The following MAPRE3 variants were observed in gnomAD, a reference collection of about 807,000 sequenced individuals.
The protein encoded by MAPRE3 is microtubule-associated protein RP/EB family member 3.
A neutral mutation model predicts 30.5 loss-of-function variants in MAPRE3; 2 were observed. That is an observed-to-expected ratio of 0.07 (90% confidence interval 0.03 to 0.21). The LOEUF (loss-of-function observed/expected upper bound fraction) is 0.21, where lower values mean the gene tolerates loss of function less well. Among genes scored for constraint, MAPRE3 ranks in the 10% least tolerant of loss-of-function variants. The pLI is 1.00. For missense variants in MAPRE3, 204 were observed against 351.8 expected (o/e 0.58, Z 3.36); for synonymous variants, 110 against 127.7 (o/e 0.86, Z 0.93).
intron 1 of MAPRE3, among the ~76,000 whole-genome samples, chr2:26,991,579 C>T (rs1486819976): frequency 6.6e-6 from 1 of 152,140 alleles, no homozygotes; most frequent in Non-Finnish European, 1.5e-5. Flanking sequence ...CGAGGTAGTC[C>T]CTACTCTTTT....
chr2:26,999,488 CTTTTTTTTTTTTTT>C lies in MAPRE3; in HGVS notation c.-7-22710_-7-22697del, dbSNP rs531651199. Among the ~76,000 whole-genome samples the C allele has an allele frequency of 2.2e-4, 17 of 79,004 alleles. No individual in the cohort carries two copies. The East Asian group carries it at 4.8e-3, about 22-fold the overall frequency. The allele number at this position is 79,004 out of a possible 152,430, so 51.8% of individuals were successfully genotyped here. On this transcript the variant is annotated intron_variant, in intron 1 of 6. Coordinates refer to ENST00000233121, the MANE Select transcript of MAPRE3 (RefSeq NM_012326.4). ...TTTTTTCTTCTTTCTTTCCTTCTTTCTTTTTTTTTTTTTTTTTTTTTTTTTTTGGGATGGAGTTT... is the reference window on the plus strand; with the variant it reads ...TTTTTTCTTCTTTCTTTCCTTCTTTCTTTTTTTTTTTTTGGGATGGAGTTT...
At chr2:26,992,436 G>A (rs1009911168) in intron 1 of MAPRE3, among the ~76,000 whole-genome samples, 1 of 151,968 alleles carries the variant, frequency 6.6e-6, no homozygotes, top group Non-Finnish European at 1.5e-5. Flanking sequence ...CATTGATCAG[G>A]CTGGTCTTGA....
At chr2:27,018,794 G>A (rs1299792403) in intron 1 of MAPRE3, among the ~76,000 whole-genome samples, 1 of 152,106 alleles carries the variant, frequency 6.6e-6, no homozygotes, top group East Asian at 1.9e-4. Context: ...TGGTTAGGCA[G>A]TTATTATCCA....
At chr2:26,983,230 G>C (rs1666151330) in intron 1 of MAPRE3, among the ~76,000 whole-genome samples, 1 of 152,150 alleles carries the variant, frequency 6.6e-6, no homozygotes, top group Non-Finnish European at 1.5e-5. Context: ...TTTCCGAAGG[G>C]TGCATTTCCC....
At chr2:27,012,640 G>A (rs780492724) in intron 1 of MAPRE3, 2 of 152,704 alleles carry the variant, frequency 1.3e-5, no homozygotes, top group South Asian at 2.1e-4. Flanking sequence ...CTGTCTCCAC[G>A]TGGGGTTAGT....
chr2:26,994,189 T>C (rs181367484), intron 1 of MAPRE3, among the ~76,000 whole-genome samples: 66 of 152,366 alleles, frequency 4.3e-4, no homozygotes, highest in Non-Finnish European at 4.7e-4. Flanking sequence ...AATTATCAGC[T>C]TTTCTTGAGG....
intron 1 of MAPRE3, among the ~76,000 whole-genome samples, chr2:27,011,497 T>C (rs1666853590): frequency 6.6e-6 from 1 of 152,186 alleles, no homozygotes; most frequent in Admixed American, 6.5e-5. Context: ...TCATGATGCC[T>C]CACTGGGTGT....
intron 1 of MAPRE3, among the ~76,000 whole-genome samples, chr2:27,008,828 G>C (rs1666786929): frequency 6.6e-6 from 1 of 152,124 alleles, no homozygotes. Flanking sequence ...AGTAGACTGT[G>C]GTACATCCAT....
chr2:26,973,695 A>G (rs1027857548), intron 1 of MAPRE3, among the ~76,000 whole-genome samples: 1 of 151,892 alleles, frequency 6.6e-6, no homozygotes, highest in African/African-American at 2.4e-5. Flanking sequence ...AGCTGGGACT[A>G]CAGGCGCCCG....
At chr2:27,011,545 C>T (rs911286606) in intron 1 of MAPRE3, among the ~76,000 whole-genome samples, 2 of 152,010 alleles carry the variant, frequency 1.3e-5, no homozygotes, top group South Asian at 2.1e-4. Context: ...ACTTGCTGGT[C>T]GAGATTAAGG....
intron 1 of MAPRE3, among the ~76,000 whole-genome samples, chr2:27,001,818 G>A: frequency 6.6e-6 from 1 of 152,164 alleles, no homozygotes; most frequent in Admixed American, 6.5e-5. Flanking sequence ...ATTGTGATGC[G>A]GTGCGTGACT....
Position 26,997,538 on chromosome 2 carries a change from C to T in MAPRE3, c.-7-24674C>T, listed in dbSNP as rs529127615. 6.6e-5 allele frequency among the ~76,000 whole-genome samples: 10 copies of T among 152,194 alleles called. No homozygotes were observed. In the East Asian group the frequency reaches 1.7e-3, roughly 27 times the overall value. On this transcript the variant is annotated intron_variant, in intron 1 of 6. Transcript: ENST00000233121. ...AATGCACAGTTCACAATAGGGTTTG[C>T]GCTTCTGTGAGGATCTGGTGCCGCC...
Position 27,007,053 on chromosome 2 carries a change from A to G in MAPRE3, c.-7-15159A>G, listed in dbSNP as rs1283987321. On this transcript the variant is annotated intron_variant, in intron 1 of 6. Coordinates refer to ENST00000233121, the MANE Select transcript of MAPRE3 (RefSeq NM_012326.4). ...TCTTTAGGCAGAAAAGCAGGAGAAT[A>G]GAGCTCATCCTCTATTTGCTGCTCT... Among the ~76,000 whole-genome samples the G allele has an allele frequency of 2.0e-5, 3 of 152,266 alleles. No individual in the cohort carries two copies. In the East Asian group the frequency reaches 5.8e-4, roughly 29 times the overall value.
intron 1 of MAPRE3, among the ~76,000 whole-genome samples, chr2:26,973,658 C>G (rs981473216): frequency 6.6e-6 from 1 of 151,948 alleles, no homozygotes; most frequent in Non-Finnish European, 1.5e-5. Context: ...GGGGTTCACG[C>G]CATTCTCCTG....
chr2:27,013,969 G>C (rs1186395847), intron 1 of MAPRE3: 1 of 152,172 alleles, frequency 6.6e-6, no homozygotes, highest in African/African-American at 2.4e-5. Context: ...CTGAGGCTTG[G>C]ATATCTTCGC....
rs1374400141 is a variant in MAPRE3 at position 26,985,475 on chromosome 2, G to A, written c.-8+14673G>A. ...CTGGAGACCCTCCCCACTTGCTCAG[G>A]TGTGGCCCAGACCAGTGCTGTACCA... is the stretch of plus-strand genomic sequence containing the variant. On this transcript the variant is annotated intron_variant, in intron 1 of 6. Coordinates refer to ENST00000233121, the MANE Select transcript of MAPRE3 (RefSeq NM_012326.4). This position sits in a 1 kb window ranked among gnomAD's most constrained non-coding sequence, Gnocchi z 4.2. Among the ~76,000 whole-genome samples the A allele has an allele frequency of 6.6e-6, 1 of 152,182 alleles. No individual in the cohort carries two copies. Among genetic ancestry groups the A allele is most frequent in the South Asian group, 2.1e-4 (1 of 4,826 alleles).
chr2:26,998,647 T>G (rs1166263965), intron 1 of MAPRE3, among the ~76,000 whole-genome samples: 2 of 152,104 alleles, frequency 1.3e-5, no homozygotes. Flanking sequence ...AAGCTCCTAG[T>G]GACGTGGAAG....
rs183769048 is a variant in MAPRE3 at position 27,007,255 on chromosome 2, G to A, written c.-7-14957G>A. 4.7e-4 allele frequency among the ~76,000 whole-genome samples: 71 copies of A among 152,314 alleles called. 2 individuals are homozygous for A. The East Asian group carries it at 0.011, about 23-fold the overall frequency. ...GAGCCCAGATTGGCAGGTTGTTGAA[G>A]GGCTAATTTAACTCACAAAAGGCCT... On this transcript the variant is annotated intron_variant, in intron 1 of 6. Coordinates refer to ENST00000233121, the MANE Select transcript of MAPRE3 (RefSeq NM_012326.4).
chr2:27,026,242 G>A, intron 6 of MAPRE3, 38 bp from the exon 7 acceptor site: 1 of 1,587,604 alleles, frequency 6.3e-7, no homozygotes, highest in Non-Finnish European at 8.6e-7. Context: ...TGCCTGGCCT[G>A]CCTGGCCCAC....
Sources: allele counts gnomAD v4.1 joint callset (sites outside exome capture counted in the v4.1 genomes callset), GRCh38; gene constraint gnomAD v4.1.1; non-coding constraint Gnocchi (gnomAD v3.1); transcripts MANE v1.5; gene names NCBI Gene and HGNC (gene_info 2026-07-23, HGNC 2026-07-21).